Variants in CCDC91 observed in about 807,000 individuals in gnomAD.
CCDC91 encodes coiled-coil domain containing 91.
A neutral mutation model predicts 63.2 loss-of-function variants in CCDC91; 48 were observed. The observed-to-expected ratio is 0.76, with a 90% confidence interval of 0.60 to 0.97. The LOEUF (loss-of-function observed/expected upper bound fraction) is 0.97, where lower values mean the gene tolerates loss of function less well. Ranked by LOEUF, CCDC91 falls within the 50% of genes least tolerant of loss-of-function variation. The probability of loss-of-function intolerance (pLI) is 0.00; values close to 1 mark genes in which losing one functional copy is unlikely to be tolerated. For missense variants in CCDC91, 500 were observed against 494.6 expected (o/e 1.01, Z -0.10); for synonymous variants, 167 against 165.8 (o/e 1.01, Z -0.06).
intron 1 of CCDC91, among the ~76,000 whole-genome samples, chr12:28,229,368 G>A (rs1027177638): frequency 5.3e-5 from 8 of 152,110 alleles, no homozygotes; most frequent in African/African-American, 1.9e-4. Flanking sequence ...TAGAAATACA[G>A]CAGAGAGCAT....
chr12:28,340,172 C>A (rs1006013272), intron 6 of CCDC91, among the ~76,000 whole-genome samples: 2 of 152,056 alleles, frequency 1.3e-5, no homozygotes, highest in African/African-American at 2.4e-5. Context: ...CTATTGTAAA[C>A]CCTTACATAT....
intron 11 of CCDC91, among the ~76,000 whole-genome samples, chr12:28,479,208 C>T (rs1181723666): frequency 1.3e-5 from 2 of 152,100 alleles, no homozygotes; most frequent in African/African-American, 4.8e-5. Context: ...GACTTGGAAC[C>T]AACCCAAATG....
intron 1 of CCDC91, among the ~76,000 whole-genome samples, chr12:28,212,218 T>C (rs1943280692): frequency 6.6e-6 from 1 of 152,130 alleles, no homozygotes; most frequent in Non-Finnish European, 1.5e-5. Context: ...CTGTTAAAAG[T>C]GAAGCTTCAG....
intron 6 of CCDC91, among the ~76,000 whole-genome samples, chr12:28,337,556 G>A (rs1231407995): frequency 6.7e-6 from 1 of 149,756 alleles, no homozygotes; most frequent in African/African-American, 2.5e-5. Flanking sequence ...TTAAAGTTAC[G>A]GTTATTTGAA....
intron 6 of CCDC91, among the ~76,000 whole-genome samples, chr12:28,327,193 C>G (rs1941092651): frequency 6.6e-6 from 1 of 151,764 alleles, no homozygotes; most frequent in Admixed American, 6.6e-5. Context: ...TAAGGTTTTC[C>G]TTTTAATGAA....
At chr12:28,390,109 A>G (rs1195332477) in intron 7 of CCDC91, among the ~76,000 whole-genome samples, 1 of 152,154 alleles carries the variant, frequency 6.6e-6, no homozygotes, top group African/African-American at 2.4e-5. Flanking sequence ...TTGTAGGAGT[A>G]GTAGCATCAT....
intron 1 of CCDC91, among the ~76,000 whole-genome samples, chr12:28,207,221 C>T (rs772030140): frequency 4.6e-5 from 7 of 152,140 alleles, no homozygotes; most frequent in Non-Finnish European, 1.0e-4. Flanking sequence ...TTGGGAAAAG[C>T]TGTTCACATC....
chr12:28,505,243 G>A (rs554597555), intron 12 of CCDC91, among the ~76,000 whole-genome samples: 1 of 151,896 alleles, frequency 6.6e-6, no homozygotes, highest in African/African-American at 2.4e-5. Flanking sequence ...ATGAAGTGAT[G>A]GGAAAGAAAA....
chr12:28,511,909 C>G (rs12146785), intron 12 of CCDC91, among the ~76,000 whole-genome samples: 7 of 151,768 alleles, frequency 4.6e-5, no homozygotes, highest in African/African-American at 1.7e-4. Flanking sequence ...GCTCTCAGTT[C>G]TAGGATACTC....
At chr12:28,484,662 C>A (rs74863965) in intron 12 of CCDC91, among the ~76,000 whole-genome samples, 12,472 of 151,876 alleles carry the variant, frequency 0.082, 690 homozygotes, top group Non-Finnish European at 0.12. Context: ...CATATTAAAG[C>A]TTTGAAAAAA....
At chr12:28,358,856 T>C (rs1943689750) in intron 6 of CCDC91, among the ~76,000 whole-genome samples, 1 of 152,194 alleles carries the variant, frequency 6.6e-6, no homozygotes, top group Admixed American at 6.5e-5. Flanking sequence ...ATAGCAAGTA[T>C]AGCAAGTGTA....
chr12:28,496,333 T>C (rs1191083779), intron 12 of CCDC91, among the ~76,000 whole-genome samples: 1 of 151,618 alleles, frequency 6.6e-6, no homozygotes, highest in East Asian at 1.9e-4. Context: ...ACGAGCAAAA[T>C]AGATGCTATA....
rs542115195 is a variant in CCDC91 at position 28,210,568 on chromosome 12, C to T, written c.-15+19927C>T. Among the ~76,000 whole-genome samples the T allele has an allele frequency of 2.0e-5, 3 of 152,242 alleles. No homozygotes were observed. The South Asian group carries it at 6.2e-4, about 32-fold the overall frequency. Reference sequence around the variant, plus strand: ...GGCCAGGAAAGGGTCTCTGGTGCCTCCTGTTTTTCCCAAGGAGTCCCAGGC... The same window carrying T: ...GGCCAGGAAAGGGTCTCTGGTGCCTTCTGTTTTTCCCAAGGAGTCCCAGGC... On this transcript the variant is annotated intron_variant, in intron 1 of 12. Coordinates refer to ENST00000536442, the MANE Select transcript of CCDC91 (RefSeq NM_018318.5).
At chr12:28,483,753 C>A (rs1242683874) in intron 11 of CCDC91, among the ~76,000 whole-genome samples, 1 of 152,024 alleles carries the variant, frequency 6.6e-6, no homozygotes, top group Non-Finnish European at 1.5e-5. Context: ...TACAGGAAGG[C>A]AATGAATCAT....
chr12:28,305,461 A>G (rs1938609506), intron 3 of CCDC91, among the ~76,000 whole-genome samples, 188 bp from the exon 4 acceptor site: 1 of 152,050 alleles, frequency 6.6e-6, no homozygotes, highest in Non-Finnish European at 1.5e-5. Flanking sequence ...TAAAAACACT[A>G]GTTTTAGCTT....
chr12:28,457,628 C>T (rs911045224), intron 11 of CCDC91, among the ~76,000 whole-genome samples: 2 of 151,450 alleles, frequency 1.3e-5, no homozygotes, highest in African/African-American at 2.4e-5. Context: ...TAAACTATGA[C>T]AGAAAACCGA....
chr12:28,235,892 T>C (rs1339477739), intron 1 of CCDC91, among the ~76,000 whole-genome samples: 3 of 152,116 alleles, frequency 2.0e-5, no homozygotes, highest in African/African-American at 2.4e-5. Context: ...TAGTGTCTTA[T>C]ATCATCTGTA....
chr12:28,451,284 T>C (rs1282541519), intron 10 of CCDC91, among the ~76,000 whole-genome samples: 1 of 151,736 alleles, frequency 6.6e-6, no homozygotes, highest in Non-Finnish European at 1.5e-5. Context: ...GTCTAAGAGA[T>C]ACTGAGTGGT....
intron 8 of CCDC91, among the ~76,000 whole-genome samples, chr12:28,416,421 A>G (rs1240851370): frequency 6.6e-6 from 1 of 152,100 alleles, no homozygotes; most frequent in Non-Finnish European, 1.5e-5. Flanking sequence ...AATGATAAGG[A>G]AGACTTTATT....
Sources: gnomAD v4.1 joint callset for allele counts (sites outside exome capture counted in the v4.1 genomes callset) on GRCh38, gnomAD v4.1.1 for gene constraint, MANE v1.5 for transcripts, NCBI Gene and HGNC (gene_info 2026-07-23, HGNC 2026-07-21) for gene names.